ELP3: variants seen among roughly 807,000 people sequenced by gnomAD.
ELP3 encodes the protein elongator acetyltransferase complex subunit 3.
In ELP3, 56 loss-of-function variants were observed where a neutral mutation model predicts 74.9. The ratio of observed to expected loss-of-function variants is 0.75; its 90% CI spans 0.60 to 0.93. The LOEUF is 0.93. Among genes scored for constraint, ELP3 ranks in the 40% least tolerant of loss-of-function variants. ELP3 has a pLI of 0.00. For missense variants in ELP3, 573 were observed against 686.5 expected (o/e 0.83, Z 1.85); for synonymous variants, 222 against 239.8 (o/e 0.93, Z 0.68).
At chr8:28,136,109 G>A (rs1367048688) in intron 9 of ELP3, among the ~76,000 whole-genome samples, 2 of 151,758 alleles carry the variant, frequency 1.3e-5, no homozygotes, top group Admixed American at 1.3e-4. Flanking sequence ...TTACAGACGC[G>A]CACCACCACG....
chr8:28,167,019 C>A (rs1032249190), intron 14 of ELP3, among the ~76,000 whole-genome samples: 1 of 152,202 alleles, frequency 6.6e-6, no homozygotes, highest in Non-Finnish European at 1.5e-5. Context: ...CGATGGATCA[C>A]ACAGTGATGG....
chr8:28,179,409 G>A (rs1814905025), intron 14 of ELP3, among the ~76,000 whole-genome samples: 1 of 152,146 alleles, frequency 6.6e-6, no homozygotes, highest in Non-Finnish European at 1.5e-5. Flanking sequence ...AGTTTTGGTT[G>A]TATACAAATG....
intron 14 of ELP3, among the ~76,000 whole-genome samples, chr8:28,170,058 G>T (rs1294343421): frequency 6.6e-6 from 1 of 152,144 alleles, no homozygotes; most frequent in Non-Finnish European, 1.5e-5. Flanking sequence ...TCACCCTCAG[G>T]GGGAAGGGAT....
chr8:28,146,681 G>C (rs987790117), intron 10 of ELP3, among the ~76,000 whole-genome samples: 1 of 152,188 alleles, frequency 6.6e-6, no homozygotes, highest in Non-Finnish European at 1.5e-5. Context: ...ATTGCTTACT[G>C]CAGTACTCTG....
chr8:28,162,160 G>T, intron 14 of ELP3, 82 bp downstream of exon 14: 1 of 1,393,810 alleles, frequency 7.2e-7, no homozygotes, highest in Non-Finnish European at 1.0e-6. Flanking sequence ...GTACCCTCTT[G>T]CCCCTGTTGA....
intron 1 of ELP3, chr8:28,093,571 A>C: frequency 2.7e-6 from 1 of 374,190 alleles, no homozygotes; most frequent in South Asian, 3.8e-5. Flanking sequence ...GTTTCACGAC[A>C]CATTTGACGT....
chr8:28,110,058 T>C (rs1811852412), intron 5 of ELP3, among the ~76,000 whole-genome samples: 1 of 152,244 alleles, frequency 6.6e-6, no homozygotes, highest in South Asian at 2.1e-4. Flanking sequence ...TTCTGGTATA[T>C]GTATGCACAT....
At chr8:28,123,598 T>G (rs58038596) in intron 7 of ELP3, among the ~76,000 whole-genome samples, 4,215 of 152,352 alleles carry the variant, frequency 0.028, 216 homozygotes, top group African/African-American at 0.097. Context: ...TATCAATTGC[T>G]AAGAGATTGA....
intron 7 of ELP3, among the ~76,000 whole-genome samples, chr8:28,128,611 C>T (rs1327423409): frequency 6.6e-6 from 1 of 152,170 alleles, no homozygotes. Context: ...ATCCTGACTC[C>T]GATTTTATTA....
intron 13 of ELP3, among the ~76,000 whole-genome samples, chr8:28,160,808 C>G (rs1230458925): frequency 6.6e-6 from 1 of 152,078 alleles, no homozygotes; most frequent in Non-Finnish European, 1.5e-5. Context: ...GATTCTCCTG[C>G]CTCAGCCTCC....
At chr8:28,105,611 A>G (rs968187138) in intron 3 of ELP3, among the ~76,000 whole-genome samples, 14 of 152,344 alleles carry the variant, frequency 9.2e-5, no homozygotes, top group Admixed American at 4.6e-4. Flanking sequence ...ATAGCTGCAT[A>G]CATAACATGC....
At chr8:28,114,335 A>G (rs1217604660) in intron 7 of ELP3, among the ~76,000 whole-genome samples, 2 of 152,158 alleles carry the variant, frequency 1.3e-5, no homozygotes, top group Non-Finnish European at 2.9e-5. Flanking sequence ...TTGTGTCCCT[A>G]TAAAGGAACA....
At chr8:28,165,449 A>T (rs1330040583) in intron 14 of ELP3, among the ~76,000 whole-genome samples, 1 of 152,200 alleles carries the variant, frequency 6.6e-6, no homozygotes, top group Non-Finnish European at 1.5e-5. Flanking sequence ...TGTTTGACCT[A>T]AGTGTTTACT....
At chr8:28,148,102 T>C (rs373130109) in intron 10 of ELP3, among the ~76,000 whole-genome samples, 1 of 152,162 alleles carries the variant, frequency 6.6e-6, no homozygotes, top group Non-Finnish European at 1.5e-5. Context: ...GAAGGGATGG[T>C]AGAAATAGTA....
At chr8:28,132,187 C>T (rs894485952) in intron 8 of ELP3, 91 bp from the exon 9 acceptor site, 2 of 1,386,196 alleles carry the variant, frequency 1.4e-6, no homozygotes, top group South Asian at 2.5e-5. Context: ...TCCCCTTGTT[C>T]CTTGTGTTAA....
intron 10 of ELP3, among the ~76,000 whole-genome samples, chr8:28,139,426 G>C (rs1487235300): frequency 6.6e-6 from 1 of 152,102 alleles, no homozygotes; most frequent in Non-Finnish European, 1.5e-5. Context: ...GGTACATGTA[G>C]AAATAAGTGT....
intron 6 of ELP3, chr8:28,112,743 C>A: frequency 4.1e-6 from 1 of 246,572 alleles, no homozygotes. Flanking sequence ...AGTTTATATT[C>A]TTCGTGTTTT....
rs768098257 is a variant in ELP3 at position 28,113,006 on chromosome 8, A to T, written c.463-13A>T. Reference sequence around the variant, plus strand: ...GCTTATATCATTCTAATGCTGATGAATTTGTCTTTCAGTTAAAACAACTTG... The same window carrying T: ...GCTTATATCATTCTAATGCTGATGATTTTGTCTTTCAGTTAAAACAACTTG... On this transcript the variant is annotated splice_polypyrimidine_tract_variant and intron_variant, in intron 6 of 14. Transcript: ENST00000256398. 104 of 1,611,132 alleles carry T rather than the reference A, an allele frequency of 6.5e-5. No homozygotes were observed. The highest frequency in any genetic ancestry group is 8.0e-5 in the Non-Finnish European group (94 of 1,178,782).
intron 14 of ELP3, among the ~76,000 whole-genome samples, chr8:28,173,363 A>C (rs781444465): frequency 6.6e-6 from 1 of 151,894 alleles, no homozygotes; most frequent in Non-Finnish European, 1.5e-5. Flanking sequence ...AATTTGTTTC[A>C]TCTAGGTTAT....
Sources: allele counts gnomAD v4.1 joint callset (sites outside exome capture counted in the v4.1 genomes callset), GRCh38; gene constraint gnomAD v4.1.1; transcripts MANE v1.5; gene names NCBI Gene and HGNC (gene_info 2026-07-23, HGNC 2026-07-21).